ZNF236: variants seen among roughly 807,000 people sequenced by gnomAD.
ZNF236 encodes the protein zinc finger protein 236.
ZNF236 carries 50 observed loss-of-function variants against 191.2 expected under a neutral mutation model. The observed-to-expected ratio is 0.26, with a 90% confidence interval of 0.21 to 0.33. The LOEUF (loss-of-function observed/expected upper bound fraction) is 0.33. Among genes scored for constraint, ZNF236 ranks in the 10% least tolerant of loss-of-function variants. ZNF236 has a pLI of 1.00. For missense variants in ZNF236, 1,754 were observed against 2,374.5 expected (o/e 0.74, Z 5.43); for synonymous variants, 907 against 928.8 (o/e 0.98, Z 0.43).
Position 76,970,898 on chromosome 18 carries a change from C to G in ZNF236, c.*2559C>G, listed in dbSNP as rs368726154. Among the ~76,000 whole-genome samples, 176 of 152,382 alleles carry G rather than the reference C, an allele frequency of 1.2e-3. 2 individuals are homozygous for G. The South Asian group carries it at 0.012, about 11-fold the overall frequency. ...GTCCACTGGAAAGGCTTCAGACTTT[C>G]AAAATCAGGGCATGGCTCCGCGACA... On this transcript the variant is annotated 3_prime_UTR_variant, in exon 31 of 31. Transcript: ENST00000320610.
At position 76,972,897 on chromosome 18, in the gene ZNF236, T is replaced by A. The variant is rs1363980461; in HGVS notation, c.*4558T>A. 3.9e-5 allele frequency among the ~76,000 whole-genome samples: 6 copies of A among 152,260 alleles called. No individual in the cohort carries two copies. The highest frequency in any genetic ancestry group is 1.4e-4 in the African/African-American group (6 of 41,468). ...AATAAAAATAGTTTTTGTATTATTT[T>A]AAAACTCCTGTATATTTACTTCTTT... On this transcript the variant is annotated 3_prime_UTR_variant, in exon 31 of 31. Coordinates refer to ENST00000320610, the MANE Select transcript of ZNF236 (RefSeq NM_001306089.2).
At chr18:76,863,670 C>T (rs1568201324) in intron 3 of ZNF236, among the ~76,000 whole-genome samples, 1 of 151,776 alleles carries the variant, frequency 6.6e-6, no homozygotes, top group Non-Finnish European at 1.5e-5. Context: ...TCAAGCGATC[C>T]TCCCACCTCT....
chr18:76,901,848 A>G (rs1239641516), intron 11 of ZNF236, among the ~76,000 whole-genome samples: 6 of 152,168 alleles, frequency 3.9e-5, no homozygotes, highest in African/African-American at 7.2e-5. Context: ...GTTTTTGAGC[A>G]TAGAATGGGA....
intron 3 of ZNF236, among the ~76,000 whole-genome samples, chr18:76,866,183 T>A (rs1360852427): frequency 2.0e-5 from 3 of 152,226 alleles, no homozygotes; most frequent in Non-Finnish European, 4.4e-5. Context: ...CCACACACAC[T>A]CAACACAAAC....
chr18:76,935,409 C>T (rs552072088), intron 25 of ZNF236, among the ~76,000 whole-genome samples: 1 of 152,192 alleles, frequency 6.6e-6, no homozygotes, highest in African/African-American at 2.4e-5. Context: ...AAACACAAGC[C>T]TTCTCTATCT....
chr18:76,834,574 C>T, intron 1 of ZNF236: 1 of 476,004 alleles, frequency 2.1e-6, no homozygotes, highest in Non-Finnish European at 4.1e-6. Flanking sequence ...GGGGTGAATG[C>T]CTGTGTGCAC....
chr18:76,888,166 T>C (rs1432384040), intron 9 of ZNF236: 1 of 151,536 alleles, frequency 6.6e-6, no homozygotes, highest in Non-Finnish European at 1.5e-5. Context: ...GATCAGGAGA[T>C]CGAGACCATC....
chr18:76,900,043 T>C (rs891292776), intron 11 of ZNF236, among the ~76,000 whole-genome samples: 3 of 152,218 alleles, frequency 2.0e-5, no homozygotes, highest in Non-Finnish European at 4.4e-5. Flanking sequence ...ACCACATCAC[T>C]TACTAATGTG....
Position 76,925,836 on chromosome 18 carries a change from C to T in ZNF236, c.4027+282C>T, listed in dbSNP as rs549443117. On this transcript the variant is annotated intron_variant, in intron 22 of 30. Transcript: ENST00000320610. This position sits in a 1 kb window ranked among gnomAD's most constrained non-coding sequence, Gnocchi z 5.7. ...TGTAAACCTGTTTTTACTCAGTTGG[C>T]ATTCTCATAAATTTAGTAGTGAGAA... Among the ~76,000 whole-genome samples, 1 of 152,308 alleles carries T rather than the reference C, an allele frequency of 6.6e-6. No individual in the cohort carries two copies. The highest frequency in any genetic ancestry group is 1.9e-4 in the East Asian group (1 of 5,190).
At chr18:76,941,435 C>G (rs1292872239) in intron 26 of ZNF236, among the ~76,000 whole-genome samples, 1 of 152,228 alleles carries the variant, frequency 6.6e-6, no homozygotes, top group African/African-American at 2.4e-5. Flanking sequence ...CCTGCTACGC[C>G]ACGTGGACTT....
At chr18:76,837,127 T>TCCCCCCCCCCCCC (rs57114708) in intron 1 of ZNF236, among the ~76,000 whole-genome samples, 67 of 37,066 alleles carry the variant, frequency 1.8e-3, no homozygotes, top group East Asian at 3.4e-3. Context: ...CCGCACCCCC[T>TCCCCCCCCCCCCC]CCCCCCCCCC....
chr18:76,834,467 T>C, intron 1 of ZNF236: 1 of 392,098 alleles, frequency 2.6e-6, no homozygotes, highest in South Asian at 2.5e-5. Flanking sequence ...TCCTTATATT[T>C]GCCCTTTTAC....
Position 76,925,604 on chromosome 18 carries a change from T to C in ZNF236, c.4027+50T>C, listed in dbSNP as rs781644048. ...GAGCAGCACAGTGATTGAACTGTTC[T>C]GTGCTGCTTCTGTCTGTTCCCACGA... On this transcript the variant is annotated intron_variant, in intron 22 of 30. Coordinates refer to ENST00000320610, the MANE Select transcript of ZNF236 (RefSeq NM_001306089.2). The surrounding 1 kb of genome is among the most constrained non-coding windows in gnomAD (Gnocchi z 5.7). The C allele has an allele frequency of 1.3e-6, 2 of 1,579,026 alleles. No individual in the cohort carries two copies. The highest frequency in any genetic ancestry group is 1.3e-5 in the African/African-American group (1 of 74,530).
chr18:76,891,082 TCTGGTCAA>T (rs1977217318), intron 9 of ZNF236, among the ~76,000 whole-genome samples: 1 of 152,236 alleles, frequency 6.6e-6, no homozygotes, highest in Admixed American at 6.5e-5. Flanking sequence ...TGGCAAGTCT[TCTGGTCAA>T]CAGGAGGCTA....
chr18:76,926,338 G>A (rs112088784), intron 22 of ZNF236, among the ~76,000 whole-genome samples: 2 of 152,152 alleles, frequency 1.3e-5, no homozygotes, highest in South Asian at 2.1e-4. Context: ...ATGAGATTTC[G>A]CGGGTGATTA....
intron 18 of ZNF236, 70 bp from the exon 19 acceptor site, chr18:76,915,577 G>C (rs1967334635): frequency 2.1e-6 from 3 of 1,440,202 alleles, no homozygotes; most frequent in Non-Finnish European, 2.9e-6. Flanking sequence ...GTTTGGTTTT[G>C]ACTGCTTCTG....
At position 76,880,942 on chromosome 18, in the gene ZNF236, A is replaced by G. The variant is rs1001076631; in HGVS notation, c.1189-342A>G. On this transcript the variant is annotated intron_variant, in intron 8 of 30. Coordinates refer to ENST00000320610, the MANE Select transcript of ZNF236 (RefSeq NM_001306089.2). This position sits in a 1 kb window ranked among gnomAD's most constrained non-coding sequence, Gnocchi z 5.0. Reference sequence around the variant, plus strand: ...CAGCCGATACCTGAAAGTTAAACCCAGTGTAACTCAAAAGCCTTAAAATAG... The same window carrying G: ...CAGCCGATACCTGAAAGTTAAACCCGGTGTAACTCAAAAGCCTTAAAATAG... 1.3e-5 allele frequency among the ~76,000 whole-genome samples: 2 copies of G among 152,236 alleles called. No homozygotes were observed. Among genetic ancestry groups the G allele is most frequent in the African/African-American group, 2.4e-5 (1 of 41,464 alleles).
chr18:76,850,614 T>G (rs1173957822), intron 2 of ZNF236, among the ~76,000 whole-genome samples: 2 of 147,122 alleles, frequency 1.4e-5, no homozygotes, highest in Non-Finnish European at 3.0e-5. Context: ...AGTGTTTTTG[T>G]TTTTTTTTTG....
At chr18:76,944,900 T>C (rs1001161488) in intron 26 of ZNF236, among the ~76,000 whole-genome samples, 1 of 152,232 alleles carries the variant, frequency 6.6e-6, no homozygotes, top group African/African-American at 2.4e-5. Flanking sequence ...TGTAGACTCA[T>C]GGGCAATTTT....
Sources: gnomAD v4.1 joint callset for allele counts (sites outside exome capture counted in the v4.1 genomes callset) on GRCh38, gnomAD v4.1.1 for gene constraint, Gnocchi (gnomAD v3.1) non-coding constraint, MANE v1.5 for transcripts, NCBI Gene and HGNC (gene_info 2026-07-23, HGNC 2026-07-21) for gene names.